Variants in TBC1D12 observed in about 807,000 individuals in gnomAD.
TBC1D12 encodes the protein TBC1 domain family, member 12.
In TBC1D12, 56 loss-of-function variants were observed where a neutral mutation model predicts 86.7. The ratio of observed to expected loss-of-function variants is 0.65; its 90% CI spans 0.52 to 0.81. The LOEUF (loss-of-function observed/expected upper bound fraction) is 0.81, where lower values mean the gene tolerates loss of function less well. TBC1D12 is among the 30% of genes least tolerant of loss of function. The pLI, the probability that TBC1D12 is intolerant of heterozygous loss-of-function variation, is 0.00. For synonymous variants in TBC1D12, 421 were observed against 411.7 expected, an observed-to-expected ratio of 1.02 and a Z score of -0.27; for missense variants, 1,023 against 1,038.8, an observed-to-expected ratio of 0.98 and a Z score of 0.21.
chr10:94,461,611 T>A (rs887044812), intron 2 of TBC1D12, among the ~76,000 whole-genome samples: 3 of 152,154 alleles, frequency 2.0e-5, no homozygotes, highest in Non-Finnish European at 4.4e-5. Context: ...AATTTTTAAT[T>A]TTTTTTCCTT....
At chr10:94,459,578 G>A (rs2055691105) in intron 2 of TBC1D12, among the ~76,000 whole-genome samples, 2 of 152,236 alleles carry the variant, frequency 1.3e-5, no homozygotes, top group African/African-American at 4.8e-5. Flanking sequence ...GGGCCGCGCA[G>A]GAGCCCACCA....
intron 2 of TBC1D12, among the ~76,000 whole-genome samples, chr10:94,469,439 G>A (rs1483150186): frequency 7.7e-6 from 1 of 129,622 alleles, no homozygotes; most frequent in East Asian, 2.9e-4. Flanking sequence ...AGTTTCTGGA[G>A]TTTTTTCCTT....
Position 94,515,497 on chromosome 10 carries a change from G to A in TBC1D12, c.1761+3843G>A, listed in dbSNP as rs1006076314. ...CAAGTAGCTGGGATTACAGGCGCCCGCCACCATGCCCAGCTGATTTTTTGT... is the reference window on the plus strand; with the variant it reads ...CAAGTAGCTGGGATTACAGGCGCCCACCACCATGCCCAGCTGATTTTTTGT... On this transcript the variant is annotated intron_variant, in intron 9 of 12. Transcript: ENST00000225235. 4.6e-5 allele frequency among the ~76,000 whole-genome samples: 7 copies of A among 151,852 alleles called. No individual in the cohort carries two copies. The South Asian group carries it at 6.2e-4, about 14-fold the overall frequency.
chr10:94,523,015 A>G (rs1352248736), intron 11 of TBC1D12, among the ~76,000 whole-genome samples: 4 of 143,842 alleles, frequency 2.8e-5, no homozygotes, highest in Admixed American at 2.2e-4. Flanking sequence ...ACTGCACTCC[A>G]GCCTGGTGAC....
intron 10 of TBC1D12, 121 bp downstream of exon 10, chr10:94,522,204 T>G: frequency 1.6e-6 from 2 of 1,284,660 alleles, no homozygotes; most frequent in Non-Finnish European, 2.1e-6. Flanking sequence ...TATTATAGTT[T>G]ATTAATGAAT....
chr10:94,403,013 A>C lies in TBC1D12; in HGVS notation c.400A>C (p.Thr134Pro). 6.4e-7 allele frequency: 1 copy of C among 1,573,530 alleles called. No individual in the cohort carries two copies. The highest frequency in any genetic ancestry group is 8.6e-7 in the Non-Finnish European group (1 of 1,164,096). The change falls in exon 1 of 13, where the codon ACC becomes CCC. Residue 134 changes from threonine to proline, a missense_variant. Coordinates refer to ENST00000225235, the MANE Select transcript of TBC1D12 (RefSeq NM_015188.2). ...DGRAPRHEGM[T>P]NGDSGFLPGR... Reference sequence around the variant, plus strand: ...CCGCGCGCCGCGGCACGAAGGCATGACCAACGGCGACTCGGGTTTTCTGCC... The same window carrying C: ...CCGCGCGCCGCGGCACGAAGGCATGCCCAACGGCGACTCGGGTTTTCTGCC...
intron 2 of TBC1D12, among the ~76,000 whole-genome samples, chr10:94,444,301 A>G (rs2055421062): frequency 6.6e-6 from 1 of 151,876 alleles, no homozygotes; most frequent in African/African-American, 2.4e-5. Context: ...GCTACTTATT[A>G]AACAGAATCA....
chr10:94,414,941 T>A (rs1385815134), intron 1 of TBC1D12, among the ~76,000 whole-genome samples: 2 of 152,192 alleles, frequency 1.3e-5, no homozygotes, highest in Non-Finnish European at 2.9e-5. Context: ...CTCTAAAAGT[T>A]TAGGTTGTTA....
rs1842527904 is a variant in TBC1D12, at chr10:94,535,654, A to G, written c.*2558A>G. The G allele has an allele frequency of 6.6e-6, 1 of 152,178 alleles. No individual in the cohort carries two copies. Among genetic ancestry groups the G allele is most frequent in the Non-Finnish European group, 1.5e-5 (1 of 68,018 alleles). 9.4% of individuals were successfully genotyped at this position (152,178 alleles called of 1,614,324 possible). On this transcript the variant is annotated 3_prime_UTR_variant, in exon 13 of 13. Coordinates refer to ENST00000225235, the MANE Select transcript of TBC1D12 (RefSeq NM_015188.2). ...TTTAGAATGACCTTTTAACTCCAGT[A>G]ACTACTTCCTTGGTATTGGTATCCT... is the stretch of plus-strand genomic sequence containing the variant.
intron 9 of TBC1D12, among the ~76,000 whole-genome samples, chr10:94,518,234 A>G (rs12572040): frequency 0.44 from 66,926 of 151,052 alleles, 15,145 homozygotes; most frequent in East Asian, 0.79. Flanking sequence ...TTTTTTTTGA[A>G]ATAGAGTCTC....
At chr10:94,493,515 CA>C in intron 4 of TBC1D12, 68 bp downstream of exon 4, 1 of 1,134,204 alleles carries the variant, frequency 8.8e-7, no homozygotes, top group Non-Finnish European at 1.3e-6. Flanking sequence ...TAAAATTCAT[CA>C]AGTCTGTCTT....
chr10:94,489,138 C>T (rs1170729931), intron 3 of TBC1D12, among the ~76,000 whole-genome samples: 2 of 152,180 alleles, frequency 1.3e-5, no homozygotes, highest in African/African-American at 4.8e-5. Flanking sequence ...GATCCCAGAG[C>T]ACTTTAACCT....
At chr10:94,447,076 A>AC (rs1275974883) in intron 2 of TBC1D12, among the ~76,000 whole-genome samples, 1 of 150,038 alleles carries the variant, frequency 6.7e-6, no homozygotes, top group Non-Finnish European at 1.5e-5. Context: ...AAAAAAAAAA[A>AC]CCTTTTTTAT....
rs1184741134 is a variant in TBC1D12 at position 94,402,930 on chromosome 10, C to T, written c.317C>T (p.Ser106Leu). 6.5e-7 allele frequency: 1 copy of T among 1,537,586 alleles called. No homozygotes were observed. The highest frequency in any genetic ancestry group is 1.8e-4 in the Middle Eastern group (1 of 5,692). ...GAPPPSAAPRSDACLLGSGSK... is the reference protein window; with the variant it reads ...GAPPPSAAPRLDACLLGSGSK... ...CCGCCGCCCTCGGCAGCCCCACGAT[C>T]GGACGCCTGCCTGCTGGGCTCGGGC... is the stretch of plus-strand genomic sequence containing the variant. The change falls in exon 1 of 13, where the codon TCG (serine) becomes TTG (leucine). Residue 106 changes from serine (S) to leucine (L), a missense_variant. Ser to Leu is a moderately radical substitution (Grantham distance 145). This residue lies in a region of TBC1D12 where 628 missense variants were observed against 531.1 expected (regional missense o/e 1.18). Coordinates refer to ENST00000225235, the MANE Select transcript of TBC1D12 (RefSeq NM_015188.2).
intron 3 of TBC1D12, 83 bp from the exon 4 acceptor site, chr10:94,493,282 T>G: frequency 9.8e-7 from 1 of 1,020,400 alleles, no homozygotes; most frequent in Non-Finnish European, 1.5e-6. Context: ...ATTCTTTGCA[T>G]CTGGGTGTAA....
intron 1 of TBC1D12, among the ~76,000 whole-genome samples, chr10:94,433,163 C>T (rs952637882): frequency 1.3e-5 from 2 of 152,090 alleles, no homozygotes; most frequent in Admixed American, 6.5e-5. Flanking sequence ...CAATATTGTG[C>T]CACTCCAGCC....
At chr10:94,417,354 A>T (rs1404868423) in intron 1 of TBC1D12, among the ~76,000 whole-genome samples, 1 of 152,234 alleles carries the variant, frequency 6.6e-6, no homozygotes, top group East Asian at 1.9e-4. Flanking sequence ...GTTGAGTGAG[A>T]CATACCAGTA....
At position 94,403,406 on chromosome 10, in the gene TBC1D12, G is replaced by T; in HGVS notation, c.793G>T (p.Gly265Cys). ...RTNGGAEPRL[G>C]FSDIHFNSRN... ...TAATGGGGGTGCGGAGCCGCGCCTG[G>T]GCTTTTCTGACATTCACTTCAACTC... is the stretch of plus-strand genomic sequence containing the variant. The change falls in exon 1 of 13, where the codon GGC becomes TGC. Residue 265 changes from glycine (G) to cysteine (C), a missense_variant. Gly to Cys is a radical substitution (Grantham distance 159). Around this residue, in one of 2 missense-constraint regions of TBC1D12, gnomAD observed 628 missense variants for 531.1 expected, o/e 1.18. Transcript: ENST00000225235. 1 of 1,548,864 alleles carries T rather than the reference G, an allele frequency of 6.5e-7. No individual in the cohort carries two copies. Among genetic ancestry groups the T allele is most frequent in the South Asian group, 1.2e-5 (1 of 83,860 alleles).
chr10:94,433,876 T>C (rs1489967385), intron 1 of TBC1D12, among the ~76,000 whole-genome samples: 1 of 151,366 alleles, frequency 6.6e-6, no homozygotes, highest in East Asian at 1.9e-4. Flanking sequence ...ATGGAATGCT[T>C]TTTTTTTTCT....
Sources: gnomAD v4.1 joint callset for allele counts (sites outside exome capture counted in the v4.1 genomes callset) on GRCh38, gnomAD v4.1.1 for gene constraint, gnomAD v4.1.1 regional missense constraint, MANE v1.5 for transcripts, NCBI Gene and HGNC (gene_info 2026-07-23, HGNC 2026-07-21) for gene names.